The following ROBO2 variants were observed in gnomAD, a reference collection of about 807,000 sequenced individuals.
ROBO2 encodes roundabout homolog 2.
Under a neutral mutation model 160.8 loss-of-function variants are expected in ROBO2, and 53 were observed. The ratio of observed to expected loss-of-function variants is 0.33; its 90% CI spans 0.26 to 0.41. ROBO2 has a LOEUF of 0.41. ROBO2 is among the 10% of genes least tolerant of loss of function. The probability of loss-of-function intolerance (pLI) is 1.00; values close to 1 mark genes in which losing one functional copy is unlikely to be tolerated. For synonymous variants in ROBO2, 664 were observed against 611.7 expected (o/e 1.09, Z -1.26); for missense variants, 1,577 against 1,722.4 (o/e 0.92, Z 1.49).
intron 2 of ROBO2, among the ~76,000 whole-genome samples, chr3:77,277,181 T>TTTCTTTCTTTCTTTCTTTC (rs2059916241): frequency 3.0e-5 from 3 of 100,144 alleles, no homozygotes; most frequent in African/African-American, 1.1e-4. Context: ...TCTTTCTTTC[T>TTTCTTTCTTTCTTTCTTTC]TTCTTTCTTT....
intron 3 of ROBO2, among the ~76,000 whole-genome samples, chr3:77,478,083 C>A (rs181398528): frequency 3.4e-4 from 52 of 152,142 alleles, no homozygotes; most frequent in Middle Eastern, 3.4e-3. Flanking sequence ...CCTCAGCCCC[C>A]CAAAGTGCTT....
chr3:77,601,577 A>G (rs544762975), intron 19 of ROBO2, among the ~76,000 whole-genome samples: 10 of 152,324 alleles, frequency 6.6e-5, no homozygotes, highest in African/African-American at 2.4e-4. Flanking sequence ...AATTAAACTC[A>G]CCGATCACTG....
intron 2 of ROBO2, chr3:76,435,172 T>C: frequency 9.6e-7 from 1 of 1,044,712 alleles, no homozygotes; most frequent in Non-Finnish European, 1.5e-6. Flanking sequence ...ATTGTGGAGA[T>C]AATCAACAGT....
chr3:77,098,982 T>C (rs1183539870), intron 2 of ROBO2, among the ~76,000 whole-genome samples: 1 of 152,132 alleles, frequency 6.6e-6, no homozygotes, highest in Non-Finnish European at 1.5e-5. Flanking sequence ...TGGAATCTTA[T>C]GTATATAGCT....
chr3:76,198,888 C>A (rs1225440613), intron 2 of ROBO2, among the ~76,000 whole-genome samples: 1 of 152,124 alleles, frequency 6.6e-6, no homozygotes, highest in East Asian at 1.9e-4. Flanking sequence ...CCAATGTACA[C>A]CTTGCATGTA....
intron 2 of ROBO2, among the ~76,000 whole-genome samples, chr3:76,848,478 A>G (rs2068992195): frequency 6.6e-6 from 1 of 152,202 alleles, no homozygotes; most frequent in Non-Finnish European, 1.5e-5. Flanking sequence ...CAGCTGGTAC[A>G]AGTTTCAGAA....
At chr3:76,856,029 T>C (rs2070032978) in intron 2 of ROBO2, among the ~76,000 whole-genome samples, 1 of 152,194 alleles carries the variant, frequency 6.6e-6, no homozygotes, top group Non-Finnish European at 1.5e-5. Context: ...GTATCCCCTG[T>C]TGGATGAGCT....
intron 2 of ROBO2, among the ~76,000 whole-genome samples, chr3:76,154,906 T>A (rs1484168092): frequency 6.6e-6 from 1 of 152,138 alleles, no homozygotes; most frequent in Non-Finnish European, 1.5e-5. Flanking sequence ...TCTGGACAAA[T>A]ATATATTGTG....
intron 2 of ROBO2, among the ~76,000 whole-genome samples, chr3:76,948,579 ATTTTTTTTT>A (rs757654181): frequency 1.1e-5 from 1 of 93,664 alleles, no homozygotes; most frequent in African/African-American, 4.5e-5. Flanking sequence ...TTATAATCTA[ATTTTTTTTT>A]TTTTTTTTTT....
chr3:76,246,242 T>G (rs897434587), intron 2 of ROBO2, among the ~76,000 whole-genome samples: 5 of 152,220 alleles, frequency 3.3e-5, no homozygotes, highest in African/African-American at 1.2e-4. Flanking sequence ...AAGCAGTAAA[T>G]GAAATATTGA....
chr3:76,739,991 C>G (rs59356660), intron 2 of ROBO2, among the ~76,000 whole-genome samples: 2 of 152,140 alleles, frequency 1.3e-5, no homozygotes, highest in Non-Finnish European at 2.9e-5. Flanking sequence ...CATTTCAAAA[C>G]TAAGAAAAAT....
Position 76,241,906 on chromosome 3 carries a change from A to G in ROBO2, c.109+304304A>G, listed in dbSNP as rs373856967. On this transcript the variant is annotated intron_variant, in intron 2 of 26. Coordinates refer to the ROBO2 transcript ENST00000487694. ...TCATGATGGAATTGTGAATAATTAA[A>G]TATTCACACGTGAAGCAAAGTGAGA... 1.7e-4 allele frequency among the ~76,000 whole-genome samples: 26 copies of G among 152,330 alleles called. No individual in the cohort carries two copies. In the South Asian group the frequency reaches 2.3e-3, roughly 13 times the overall value.
intron 2 of ROBO2, among the ~76,000 whole-genome samples, chr3:76,982,570 C>G (rs921376405): frequency 1.2e-4 from 19 of 152,068 alleles, no homozygotes; most frequent in Non-Finnish European, 1.9e-4. Context: ...CTTGAATTTT[C>G]ATGTGAATGT....
chr3:77,137,375 C>T (rs752521297), intron 2 of ROBO2, among the ~76,000 whole-genome samples: 5 of 151,828 alleles, frequency 3.3e-5, no homozygotes, highest in East Asian at 2.0e-4. Flanking sequence ...TACAGGCATG[C>T]GCCACCACGC....
chr3:77,167,221 T>C (rs2079180355), intron 2 of ROBO2, among the ~76,000 whole-genome samples: 1 of 152,208 alleles, frequency 6.6e-6, no homozygotes, highest in African/African-American at 2.4e-5. Flanking sequence ...TGTTACCATA[T>C]TTGAAGTTAG....
chr3:77,275,981 T>C (rs974585932), intron 2 of ROBO2, among the ~76,000 whole-genome samples: 8 of 152,120 alleles, frequency 5.3e-5, no homozygotes, highest in Non-Finnish European at 1.0e-4. Flanking sequence ...TGTTTTCCCT[T>C]ATATATAGGG....
chr3:76,648,888 A>G (rs1326480370), intron 2 of ROBO2, among the ~76,000 whole-genome samples: 1 of 152,094 alleles, frequency 6.6e-6, no homozygotes, highest in African/African-American at 2.4e-5. Context: ...AAAATTTTTT[A>G]TTTGTAAAAT....
chr3:76,577,832 T>C (rs2085403553), intron 2 of ROBO2, among the ~76,000 whole-genome samples: 1 of 152,130 alleles, frequency 6.6e-6, no homozygotes, highest in Admixed American at 6.6e-5. Flanking sequence ...AGTGATGAGA[T>C]AAGAAATAGG....
chr3:76,406,297 T>C (rs1034170305), intron 2 of ROBO2, among the ~76,000 whole-genome samples: 1 of 151,866 alleles, frequency 6.6e-6, no homozygotes, highest in Non-Finnish European at 1.5e-5. Flanking sequence ...CAGTGAGGTA[T>C]GTTTGGAAAA....
Sources: allele counts gnomAD v4.1 joint callset (sites outside exome capture counted in the v4.1 genomes callset), GRCh38; gene constraint gnomAD v4.1.1; transcripts MANE v1.5; gene names NCBI Gene and HGNC (gene_info 2026-07-23, HGNC 2026-07-21).